Variants in CTNNA2 observed in about 807,000 individuals in gnomAD.
CTNNA2 encodes the protein catenin alpha 2.
CTNNA2 carries 42 observed loss-of-function variants against 101.0 expected under a neutral mutation model. That is an observed-to-expected ratio of 0.42 (90% CI 0.32 to 0.54). CTNNA2 has a LOEUF of 0.54. CTNNA2 is among the 20% of genes least tolerant of loss of function. The probability of loss-of-function intolerance (pLI) is 0.14; values close to 1 mark genes in which losing one functional copy is unlikely to be tolerated. For synonymous variants in CTNNA2, 450 were observed against 456.4 expected (o/e 0.99, Z 0.18); for missense variants, 871 against 1,223.1 (o/e 0.71, Z 4.29).
chr2:80,213,045 G>A (rs1573407230), intron 7 of CTNNA2, among the ~76,000 whole-genome samples: 2 of 152,008 alleles, frequency 1.3e-5, no homozygotes, highest in East Asian at 3.9e-4. Flanking sequence ...TATCTCTGTG[G>A]GATCAGTGGT....
At chr2:79,313,889 T>C (rs1573067097) in intron 3 of CTNNA2, among the ~76,000 whole-genome samples, 1 of 152,198 alleles carries the variant, frequency 6.6e-6, no homozygotes, top group East Asian at 1.9e-4. Context: ...GGAACTCTCC[T>C]CATATGACCG....
rs528401130 is a variant in CTNNA2, at chr2:80,308,416, C to T, written c.1057-84795C>T. Among the ~76,000 whole-genome samples the T allele has an allele frequency of 1.2e-4, 18 of 152,230 alleles. No individual in the cohort carries two copies. In the South Asian group the frequency reaches 1.5e-3, roughly 12 times the overall value. On this transcript the variant is annotated intron_variant, in intron 7 of 18. Transcript: ENST00000402739. ...TGTTGTCTTTAATTTTCAGTGGCAG[C>T]GAACCATGGCTTTTCTTTAAAAGGA...
intron 3 of CTNNA2, among the ~76,000 whole-genome samples, chr2:79,792,060 A>G (rs1675314747): frequency 6.6e-6 from 1 of 152,202 alleles, no homozygotes; most frequent in Non-Finnish European, 1.5e-5. Context: ...CAACTAGTAT[A>G]ATTCTTCCAT....
rs1553437205 is a variant in CTNNA2, at chr2:80,043,206, C to CTCT, written c.1056+133410_1056+133411insCTT. ...CCTTTCTTTCTTTCTTTCTCTCTCT[C>CTCT]TTTTTTTTTTTTTCAGAGTCTTGCT... On this transcript the variant is annotated intron_variant, in intron 7 of 18. Transcript: ENST00000402739. 7.7e-4 allele frequency among the ~76,000 whole-genome samples: 71 copies of CTCT among 91,758 alleles called. 1 individual carries two copies. The highest frequency in any genetic ancestry group is 2.8e-3 in the African/African-American group (65 of 23,454). 60.2% of individuals were successfully genotyped at this position (91,758 alleles called of 152,430 possible).
chr2:79,209,972 G>C (rs1674149509), intron 2 of CTNNA2, among the ~76,000 whole-genome samples: 1 of 152,050 alleles, frequency 6.6e-6, no homozygotes. Flanking sequence ...GTGTGTTGGG[G>C]GGGCGGGGGT....
intron 4 of CTNNA2, among the ~76,000 whole-genome samples, chr2:79,420,409 C>T (rs1678528991): frequency 6.6e-6 from 1 of 152,042 alleles, no homozygotes; most frequent in Non-Finnish European, 1.5e-5. Flanking sequence ...ACAAAAATAA[C>T]ATTGTACATA....
At chr2:79,553,015 A>G (rs190265485) in intron 1 of CTNNA2, among the ~76,000 whole-genome samples, 2 of 152,270 alleles carry the variant, frequency 1.3e-5, no homozygotes, top group East Asian at 1.9e-4. Flanking sequence ...TTCTTAGAAA[A>G]TGGGTTTTTC....
At chr2:79,933,542 C>T (rs745963191) in intron 7 of CTNNA2, among the ~76,000 whole-genome samples, 1 of 151,686 alleles carries the variant, frequency 6.6e-6, no homozygotes, top group African/African-American at 2.4e-5. Context: ...GCAACCTCTG[C>T]GTCCCGGGTT....
chr2:79,325,168 G>A (rs1242138995), intron 3 of CTNNA2, among the ~76,000 whole-genome samples: 2 of 152,082 alleles, frequency 1.3e-5, no homozygotes, highest in East Asian at 3.9e-4. Flanking sequence ...AAAAAAGAAG[G>A]GCACTGAACT....
intron 7 of CTNNA2, among the ~76,000 whole-genome samples, chr2:80,131,051 TTTTG>T (rs956279559): frequency 1.1e-4 from 17 of 151,950 alleles, no homozygotes; most frequent in East Asian, 1.9e-4. Flanking sequence ...TTTCCTGTTT[TTTTG>T]TTTGTTTGTT....
intron 4 of CTNNA2, among the ~76,000 whole-genome samples, chr2:79,862,367 CTGTGACTT>C (rs1299620877): frequency 6.6e-6 from 1 of 152,136 alleles, no homozygotes; most frequent in Non-Finnish European, 1.5e-5. Context: ...TTAACATTAA[CTGTGACTT>C]TGTGAGTTTT....
At chr2:80,391,836 A>G (rs779382653) in intron 7 of CTNNA2, among the ~76,000 whole-genome samples, 18 of 152,220 alleles carry the variant, frequency 1.2e-4, no homozygotes, top group Non-Finnish European at 2.2e-4. Flanking sequence ...AGCTCTTTCT[A>G]CTTAAAAACC....
rs188485384 is a variant in CTNNA2, at chr2:80,436,138, C to T, written c.1290+16537C>T. Among the ~76,000 whole-genome samples the T allele has an allele frequency of 6.3e-4, 96 of 152,242 alleles. 1 individual carries two copies. Among genetic ancestry groups the T allele is most frequent in the African/African-American group, 2.3e-3 (96 of 41,544 alleles). On this transcript the variant is annotated intron_variant, in intron 9 of 18. Coordinates refer to ENST00000402739, the MANE Select transcript of CTNNA2 (RefSeq NM_001282597.3). Reference sequence around the variant, plus strand: ...TGTTTATCCCTAGAGTCACGGTCATCGACATTAGTGGCTTCGCTCCCAACC... The same window carrying T: ...TGTTTATCCCTAGAGTCACGGTCATTGACATTAGTGGCTTCGCTCCCAACC...
intron 7 of CTNNA2, among the ~76,000 whole-genome samples, chr2:80,223,261 T>C (rs1043961049): frequency 2.8e-4 from 42 of 152,256 alleles, no homozygotes; most frequent in Admixed American, 1.1e-3. Flanking sequence ...AGGAGGCTTT[T>C]GGTCAATAAA....
chr2:80,217,394 G>A (rs1296367777), intron 7 of CTNNA2, among the ~76,000 whole-genome samples: 3 of 152,070 alleles, frequency 2.0e-5, no homozygotes, highest in Non-Finnish European at 4.4e-5. Context: ...CTACTCAGCA[G>A]CTGTGTAATT....
At chr2:79,746,681 A>G (rs1164551985) in intron 3 of CTNNA2, among the ~76,000 whole-genome samples, 1 of 152,192 alleles carries the variant, frequency 6.6e-6, no homozygotes, top group Non-Finnish European at 1.5e-5. Context: ...CTATGTTTTC[A>G]TGCCCCAGGG....
chr2:80,262,914 GACAAAA>G (rs1672722453), intron 7 of CTNNA2, among the ~76,000 whole-genome samples: 1 of 54,930 alleles, frequency 1.8e-5, no homozygotes, highest in South Asian at 3.9e-4. Flanking sequence ...CAACAATATT[GACAAAA>G]ATAATAAAAA....
chr2:80,162,404 G>C, intron 7 of CTNNA2: 1 of 1,485,056 alleles, frequency 6.7e-7, no homozygotes, highest in Non-Finnish European at 9.0e-7. Context: ...CTTAGTCAAA[G>C]GGCCTAAAAT....
At chr2:79,376,962 T>A (rs1558652516) in intron 4 of CTNNA2, among the ~76,000 whole-genome samples, 1 of 152,180 alleles carries the variant, frequency 6.6e-6, no homozygotes, top group Non-Finnish European at 1.5e-5. Flanking sequence ...GCGTGTGTCT[T>A]TATAGCAGCA....
Sources: gnomAD v4.1 joint callset for allele counts (sites outside exome capture counted in the v4.1 genomes callset) on GRCh38, gnomAD v4.1.1 for gene constraint, MANE v1.5 for transcripts, NCBI Gene and HGNC (gene_info 2026-07-23, HGNC 2026-07-21) for gene names.